GVQW3: variants seen among roughly 807,000 people sequenced by gnomAD.
The protein encoded by GVQW3 is GVQW motif containing 3, also known as protein GVQW3.
Under a neutral mutation model 12.5 loss-of-function variants are expected in GVQW3, and 7 were observed. The observed-to-expected ratio is 0.56, with a 90% CI of 0.32 to 1.05. The LOEUF (loss-of-function observed/expected upper bound fraction) is 1.05, where lower values mean the gene tolerates loss of function less well. GVQW3 is among the 50% of genes least tolerant of loss of function. The probability of loss-of-function intolerance (pLI) is 0.04; values close to 1 mark genes in which losing one functional copy is unlikely to be tolerated. For synonymous variants in GVQW3, 71 were observed against 67.2 expected, an observed-to-expected ratio of 1.06 and a Z score of -0.28; for missense variants, 188 against 190.8, an observed-to-expected ratio of 0.99 and a Z score of 0.09.
intron 1 of GVQW3, among the ~76,000 whole-genome samples, chr11:76,395,984 C>G (rs1946935620): frequency 6.6e-6 from 1 of 152,124 alleles, no homozygotes; most frequent in Non-Finnish European, 1.5e-5. Context: ...AGGAAGTGGA[C>G]CTGTGTGATC....
In GVQW3 at chr11:76,381,438, C is replaced by T. The variant is rs1946765734; in HGVS notation, c.-391C>T. On this transcript the variant is annotated 5_prime_UTR_variant, in exon 1 of 2. Coordinates refer to ENST00000529331, the MANE Select transcript of GVQW3 (RefSeq NM_001347885.2). ...GAGCTTGCACGTTACATCACCGATG[C>T]ATCTCTTCTTGCTTGCTTAATTTGC... The T allele has an allele frequency of 1.2e-5, 2 of 170,428 alleles. No individual in the cohort carries two copies. The highest frequency in any genetic ancestry group is 5.9e-5 in the Admixed American group (1 of 16,812). The allele number at this position is 170,428 out of a possible 1,614,324, so 10.6% of individuals were successfully genotyped here.
At chr11:76,401,642 G>A (rs1439939738) in intron 1 of GVQW3, among the ~76,000 whole-genome samples, 5 of 151,784 alleles carry the variant, frequency 3.3e-5, no homozygotes, top group Non-Finnish European at 7.4e-5. Context: ...GCATGGTGGC[G>A]CATGCCTGTA....
intron 1 of GVQW3, among the ~76,000 whole-genome samples, chr11:76,400,584 C>G (rs1946980702): frequency 6.6e-6 from 1 of 151,674 alleles, no homozygotes; most frequent in South Asian, 2.1e-4. Flanking sequence ...CCATGCCTGG[C>G]TAATTTTTGT....
intron 1 of GVQW3, among the ~76,000 whole-genome samples, chr11:76,398,771 T>A (rs1946961996): frequency 6.6e-6 from 1 of 152,102 alleles, no homozygotes. Context: ...TGAATTCAAT[T>A]TTCTTATAGA....
rs1387309334 is a variant in GVQW3 at position 76,404,252 on chromosome 11, CA to C, written c.*495del. The C allele has an allele frequency of 2.8e-6, 1 of 356,060 alleles. No homozygotes were observed. Among genetic ancestry groups the C allele is most frequent in the African/African-American group, 2.1e-5 (1 of 47,816 alleles). The allele number at this position is 356,060 out of a possible 1,614,324, so 22.1% of individuals were successfully genotyped here. A position where few individuals can be genotyped will look rare whatever the true frequency, so the allele number is the denominator to read the frequency against. On this transcript the variant is annotated 3_prime_UTR_variant, in exon 2 of 2. Coordinates refer to ENST00000529331, the MANE Select transcript of GVQW3 (RefSeq NM_001347885.2). Reference sequence around the variant, plus strand: ...GATAACTCACTACCTTTGGACCAGCCATCTCCATTTTATAAATAAGAAAACT... The same window carrying C: ...GATAACTCACTACCTTTGGACCAGCCTCTCCATTTTATAAATAAGAAAACT...
chr11:76,401,347 AT>A (rs913692667), intron 1 of GVQW3, among the ~76,000 whole-genome samples: 4 of 150,470 alleles, frequency 2.7e-5, no homozygotes, highest in Non-Finnish European at 4.4e-5. Flanking sequence ...TCCTCAGGAT[AT>A]TTTTTTTTCT....
Position 76,403,659 on chromosome 11 carries a change from G to T in GVQW3, c.466-1G>T. 1 of 436,238 alleles carries T rather than the reference G, an allele frequency of 2.3e-6. No homozygotes were observed. The highest frequency in any genetic ancestry group is 6.7e-5 in the South Asian group (1 of 15,004). The allele number at this position is 436,238 out of a possible 1,614,324, so 27.0% of individuals were successfully genotyped here. On this transcript the variant is annotated splice_acceptor_variant, in intron 1 of 1. Transcript: ENST00000529331. LOFTEE classifies it high-confidence loss of function. ...TAATTTTTTATTTTTATTTTTTGTA[G>T]AGACGGAACCTCACTATGTTGCCCA...
Position 76,407,209 on chromosome 11 carries a change from CAT to C in GVQW3, c.*3452_*3453del. Reference sequence around the variant, plus strand: ...GGCTTATAATGTTGGTCAGGTGAGACATGTTGCATTGGTGAAATTATAAATTG... The same window carrying C: ...GGCTTATAATGTTGGTCAGGTGAGACGTTGCATTGGTGAAATTATAAATTG... On this transcript the variant is annotated 3_prime_UTR_variant, in exon 2 of 2. Coordinates refer to ENST00000529331, the MANE Select transcript of GVQW3 (RefSeq NM_001347885.2). 6.6e-6 allele frequency: 1 copy of C among 152,162 alleles called. No individual in the cohort carries two copies. Among genetic ancestry groups the C allele is most frequent in the Non-Finnish European group, 1.5e-5 (1 of 67,986 alleles). 9.4% of individuals were successfully genotyped at this position (152,162 alleles called of 1,614,324 possible).
intron 1 of GVQW3, among the ~76,000 whole-genome samples, chr11:76,400,158 G>A (rs1946975902): frequency 6.6e-6 from 1 of 151,412 alleles, no homozygotes; most frequent in African/African-American, 2.4e-5. Context: ...TGTCACCCAG[G>A]CTGGAGTCCA....
intron 1 of GVQW3, among the ~76,000 whole-genome samples, chr11:76,400,006 T>TACATACAC (rs1946973538): frequency 7.1e-6 from 1 of 140,374 alleles, no homozygotes; most frequent in Admixed American, 7.3e-5. Context: ...TCTCTCTGTA[T>TACATACAC]ACACACACAC....
intron 1 of GVQW3, among the ~76,000 whole-genome samples, chr11:76,386,471 G>A (rs1463687380): frequency 6.6e-6 from 1 of 152,066 alleles, no homozygotes; most frequent in Non-Finnish European, 1.5e-5. Flanking sequence ...ACTTGCCTTT[G>A]GAAATGCCTG....
intron 1 of GVQW3, among the ~76,000 whole-genome samples, chr11:76,401,916 T>A (rs765444312): frequency 2.1e-4 from 32 of 152,180 alleles, no homozygotes; most frequent in Non-Finnish European, 2.5e-4. Context: ...TAAATGCTAT[T>A]TATTACCCCA....
rs563159186 is a variant in GVQW3 at position 76,390,669 on chromosome 11, C to T, written c.465+8376C>T. 1.7e-3 allele frequency among the ~76,000 whole-genome samples: 251 copies of T among 151,858 alleles called. No individual in the cohort carries two copies. The Middle Eastern group carries it at 0.027, about 16-fold the overall frequency. On this transcript the variant is annotated intron_variant, in intron 1 of 1. Coordinates refer to ENST00000529331, the MANE Select transcript of GVQW3 (RefSeq NM_001347885.2). ...AAACCCCGTCTCTACTAAAAAAATACGAAAAAAATTAGCCGGGCGCGGTGG... is the reference window on the plus strand; with the variant it reads ...AAACCCCGTCTCTACTAAAAAAATATGAAAAAAATTAGCCGGGCGCGGTGG...
At position 76,407,716 on chromosome 11, in the gene GVQW3, C is replaced by T. The variant is rs1947055831; in HGVS notation, c.*3958C>T. ...TTATGTAACAGCCATTCATTGCAGA[C>T]TTATTTGTAAAAGTAGTAAAAAGAA... On this transcript the variant is annotated 3_prime_UTR_variant, in exon 2 of 2. Coordinates refer to ENST00000529331, the MANE Select transcript of GVQW3 (RefSeq NM_001347885.2). 6.6e-6 allele frequency: 1 copy of T among 151,170 alleles called. No individual in the cohort carries two copies. 9.4% of individuals were successfully genotyped at this position (151,170 alleles called of 1,614,324 possible). A position where few individuals can be genotyped will look rare whatever the true frequency, so the allele number is the denominator to read the frequency against.
At position 76,403,651 on chromosome 11, in the gene GVQW3, T is replaced by A; in HGVS notation, c.466-9T>A. The A allele has an allele frequency of 2.3e-6, 1 of 440,932 alleles. No homozygotes were observed. Among genetic ancestry groups the A allele is most frequent in the East Asian group, 3.4e-5 (1 of 29,228 alleles). 27.3% of individuals were successfully genotyped at this position (440,932 alleles called of 1,614,324 possible). A position where few individuals can be genotyped will look rare whatever the true frequency, so the allele number is the denominator to read the frequency against. On this transcript the variant is annotated splice_polypyrimidine_tract_variant and intron_variant, in intron 1 of 1. Transcript: ENST00000529331. ...TGCCCAAATAATTTTTTATTTTTAT[T>A]TTTTGTAGAGACGGAACCTCACTAT...
intron 1 of GVQW3, among the ~76,000 whole-genome samples, chr11:76,399,166 G>T (rs923407819): frequency 2.6e-5 from 4 of 151,502 alleles, no homozygotes; most frequent in African/African-American, 9.8e-5. Flanking sequence ...TTGAGACACG[G>T]TCTCACTCTG....
intron 1 of GVQW3, 64 bp downstream of exon 1, chr11:76,382,357 G>T: frequency 9.5e-7 from 1 of 1,054,120 alleles, no homozygotes. Context: ...GCCCCTGCCG[G>T]TATCCCATCC....
intron 1 of GVQW3, among the ~76,000 whole-genome samples, chr11:76,386,409 G>T (rs1224324315): frequency 6.6e-6 from 1 of 152,062 alleles, no homozygotes; most frequent in African/African-American, 2.4e-5. Flanking sequence ...GTTTACCTGG[G>T]GCCTCCTTCC....
At chr11:76,400,112 C>CTT (rs113098572) in intron 1 of GVQW3, among the ~76,000 whole-genome samples, 4 of 145,620 alleles carry the variant, frequency 2.7e-5, no homozygotes, top group African/African-American at 1.0e-4. Flanking sequence ...ATCTTTCTTT[C>CTT]TTTTTTTTTT....
Sources: gnomAD v4.1 joint callset for allele counts (sites outside exome capture counted in the v4.1 genomes callset) on GRCh38, gnomAD v4.1.1 for gene constraint, MANE v1.5 for transcripts, NCBI Gene and HGNC (gene_info 2026-07-23, HGNC 2026-07-21) for gene names.